The following POLE variants were observed in gnomAD, a reference collection of about 807,000 sequenced individuals.
POLE encodes DNA polymerase epsilon, catalytic subunit, also known as DNA polymerase epsilon catalytic subunit A.
POLE carries 188 observed loss-of-function variants against 279.2 expected under a neutral mutation model. The observed-to-expected ratio is 0.67, with a 90% CI of 0.60 to 0.76. The LOEUF is 0.76. POLE is among the 30% of genes least tolerant of loss of function. The pLI is 0.00. For synonymous variants in POLE, 1,214 were observed against 1,172.5 expected, an observed-to-expected ratio of 1.04 and a Z score of -0.72; for missense variants, 2,703 against 3,016.7, an observed-to-expected ratio of 0.90 and a Z score of 2.44.
In POLE at chr12:132,639,567, C is replaced by T. The variant is rs1014383604; in HGVS notation, c.5379-269G>A. Among the ~76,000 whole-genome samples, 2 of 151,426 alleles carry T rather than the reference C, an allele frequency of 1.3e-5. No individual in the cohort carries two copies. The highest frequency in any genetic ancestry group is 2.9e-5 in the Non-Finnish European group (2 of 67,936). On this transcript the variant is annotated intron_variant, in intron 39 of 48. Transcript: ENST00000320574. This position sits in a 1 kb window ranked among gnomAD's most constrained non-coding sequence, Gnocchi z 4.7. ...AAACTCTGTGTGTTCTAAAGCAGGA[C>T]GGGAGGGCAGCACAGTACAAAGCAG...
chr12:132,659,165 C>A, intron 26 of POLE, 130 bp downstream of exon 26: 3 of 920,698 alleles, frequency 3.3e-6, no homozygotes, highest in Non-Finnish European at 4.8e-6. Context: ...GAACCCCTTA[C>A]CTCTCCGTGA....
chr12:132,632,246 C>T, intron 45 of POLE, 69 bp downstream of exon 45: 1 of 1,284,866 alleles, frequency 7.8e-7, no homozygotes, highest in Non-Finnish European at 1.1e-6. Context: ...TCACCTTGCA[C>T]ACAGTAACAT....
rs1259506536 is a variant in POLE at position 132,677,624 on chromosome 12, T to C, written c.674A>G (p.Asp225Gly). The C allele has an allele frequency of 1.2e-6, 2 of 1,614,048 alleles. No homozygotes were observed. Among genetic ancestry groups the C allele is most frequent in the African/African-American group, 2.7e-5 (2 of 74,912 alleles). The part of the protein sequence containing the change: ...LDNIVDMREY[D>G]VPYHIRLSID... ...GGAGAGGCGGATGTGGTAGGGAACA[T>C]CGTACTCGCGCATGTCCACAATGTT... Residue 225 changes from aspartate to glycine, a missense_variant, in exon 7 of 49, where the codon GAT becomes GGT. Around this residue, in one of 5 missense-constraint regions of POLE, gnomAD observed 1,011 missense variants for 1,111.7 expected, o/e 0.91. Transcript: ENST00000320574.
At chr12:132,644,447 C>G (rs1269100831) in intron 32 of POLE, among the ~76,000 whole-genome samples, 2 of 148,040 alleles carry the variant, frequency 1.4e-5, no homozygotes, top group Non-Finnish European at 3.0e-5. Flanking sequence ...GCCACTATGC[C>G]TGGCCTCTGG....
rs116624118 is a variant in POLE at position 132,666,352 on chromosome 12, C to T, written c.2320-902G>A. The stretch of plus-strand genomic sequence containing the variant: ...CCTGTAATCCCAGCCCTGTGGGAGG[C>T]TGGGGTGGATAGATGACCTGAGTTC... On this transcript the variant is annotated intron_variant, in intron 20 of 48. Transcript: ENST00000320574. Among the ~76,000 whole-genome samples the T allele has an allele frequency of 3.8e-3, 579 of 152,362 alleles. 2 individuals carry two copies. Among genetic ancestry groups the T allele is most frequent in the African/African-American group, 0.013 (554 of 41,586 alleles).
intron 41 of POLE, among the ~76,000 whole-genome samples, chr12:132,636,418 T>A (rs1473742255): frequency 1.8e-5 from 2 of 112,488 alleles, no homozygotes; most frequent in East Asian, 6.3e-4. Context: ...GACCCAATCC[T>A]CTGCACATTA....
At chr12:132,665,259 T>C (rs1473764511) in intron 21 of POLE, 43 bp downstream of exon 21, 3 of 1,596,190 alleles carry the variant, frequency 1.9e-6, no homozygotes, top group Non-Finnish European at 2.6e-6. Context: ...CGTGGACTCA[T>C]CCATTCCTCC....
rs906566766 is a variant in POLE, at chr12:132,666,822, T to C, written c.2319+681A>G. ...TAGTTGCACAACAGTGCGAATATGCTTCATGCCCCTGAACTGAGCACTTAA... is the reference window on the plus strand; with the variant it reads ...TAGTTGCACAACAGTGCGAATATGCCTCATGCCCCTGAACTGAGCACTTAA... On this transcript the variant is annotated intron_variant, in intron 20 of 48. Transcript: ENST00000320574. Among the ~76,000 whole-genome samples the C allele has an allele frequency of 5.3e-5, 8 of 152,192 alleles. No homozygotes were observed. The South Asian group carries it at 1.0e-3, about 20-fold the overall frequency.
rs1432965677 is a variant in POLE at position 132,643,005 on chromosome 12, A to G, written c.4552-9T>C. 2 of 1,582,262 alleles carry G rather than the reference A, an allele frequency of 1.3e-6. No homozygotes were observed. The highest frequency in any genetic ancestry group is 2.2e-5 in the East Asian group (1 of 44,544). ...ATCTGGTTGCTGCGCACCTAGACCA[A>G]CGCAGGCCACGTCAGCCTCCCCCTG... On this transcript the variant is annotated splice_polypyrimidine_tract_variant and intron_variant, in intron 35 of 48. Coordinates refer to ENST00000320574, the MANE Select transcript of POLE (RefSeq NM_006231.4).
intron 35 of POLE, 39 bp from the exon 36 acceptor site, chr12:132,643,035 G>C (rs765602942): frequency 6.4e-7 from 1 of 1,551,896 alleles, no homozygotes. Context: ...CCCCTGCGCA[G>C]GAGGAAGTGG....
At chr12:132,631,317 G>A (rs796619930) in intron 45 of POLE, among the ~76,000 whole-genome samples, 2 of 152,152 alleles carry the variant, frequency 1.3e-5, no homozygotes, top group African/African-American at 2.4e-5. Context: ...GAATGTTTTC[G>A]GGCGGTGACT....
At chr12:132,665,252 G>A (rs1439925293) in intron 21 of POLE, 50 bp downstream of exon 21, 1 of 1,580,756 alleles carries the variant, frequency 6.3e-7, no homozygotes, top group Admixed American at 1.7e-5. Flanking sequence ...CCCTAAACGT[G>A]GACTCATCCA....
At position 132,634,276 on chromosome 12, in the gene POLE, C is replaced by G. The variant is rs774726229; in HGVS notation, c.5914G>C (p.Val1972Leu). 1 of 1,614,236 alleles carries G rather than the reference C, an allele frequency of 6.2e-7. No individual in the cohort carries two copies. Among genetic ancestry groups the G allele is most frequent in the East Asian group, 2.2e-5 (1 of 44,886 alleles). ...CAGTTGTTTTCCAGTAAATCCTCCA[C>G]GTTGGATTCCTCCGCCTCTTCCTCC... ...EEEEEAEESN[V>L]EDLLENNWNI... The change falls in exon 43 of 49, where the codon GTG becomes CTG. Residue 1972 changes from valine (V) to leucine (L), a missense_variant. Coordinates refer to ENST00000320574, the MANE Select transcript of POLE (RefSeq NM_006231.4). The surrounding 1 kb of genome is among the most constrained non-coding windows in gnomAD (Gnocchi z 4.0).
chr12:132,679,718 C>T, intron 5 of POLE, 67 bp from the exon 6 acceptor site: 1 of 1,536,882 alleles, frequency 6.5e-7, no homozygotes, highest in African/African-American at 1.4e-5. Flanking sequence ...AGAGGGTAAA[C>T]ACTCAAAGGT....
At chr12:132,683,242 T>G (rs191590534) in intron 1 of POLE, among the ~76,000 whole-genome samples, 1 of 152,100 alleles carries the variant, frequency 6.6e-6, no homozygotes, top group East Asian at 1.9e-4. Context: ...TCTGCTTAGC[T>G]GGGTGGGCGC....
At position 132,649,791 on chromosome 12, in the gene POLE, G is replaced by T; in HGVS notation, c.3681C>A (p.Val1227=). ...LVKLPHPAAP[V]TVKRKRVLWE... The stretch of plus-strand genomic sequence containing the variant: ...AAAGAACTCGCTTCCTCTTCACAGT[G>T]ACAGGGGCTGCTGGGTGAGGCAGCT... Residue 1227 remains valine (V), a synonymous_variant, in exon 30 of 49, where the codon GTC becomes GTA. Coordinates refer to ENST00000320574, the MANE Select transcript of POLE (RefSeq NM_006231.4). The T allele has an allele frequency of 6.2e-7, 1 of 1,614,192 alleles. No individual in the cohort carries two copies. Among genetic ancestry groups the T allele is most frequent in the East Asian group, 2.2e-5 (1 of 44,878 alleles).
Position 132,638,024 on chromosome 12 carries a change from T to C in POLE, c.5668A>G (p.Ile1890Val), listed in dbSNP as rs745804149. 9.3e-6 allele frequency: 15 copies of C among 1,613,954 alleles called. No individual in the cohort carries two copies. The highest frequency in any genetic ancestry group is 1.3e-5 in the Non-Finnish European group (15 of 1,179,906). Reference sequence around the variant, plus strand: ...ACCAGCCAGCCGCACCTGCTGGTGATGTACTCCACGTAAGCGATGGCATCT... The same window carrying C: ...ACCAGCCAGCCGCACCTGCTGGTGACGTACTCCACGTAAGCGATGGCATCT... Reference protein sequence around the residue: ...VEDAIAYVEYITSSIHSKETF... With the variant: ...VEDAIAYVEYVTSSIHSKETF... The change falls in exon 41 of 49, where the codon ATC (isoleucine) becomes GTC (valine). Residue 1890 changes from isoleucine to valine, a missense_variant. Physicochemically the swap from Ile to Val is conservative, Grantham distance 29. Coordinates refer to ENST00000320574, the MANE Select transcript of POLE (RefSeq NM_006231.4).
At chr12:132,665,472 A>C (rs760557495) in intron 20 of POLE, 22 bp from the exon 21 acceptor site, 3 of 1,592,334 alleles carry the variant, frequency 1.9e-6, no homozygotes, top group Non-Finnish European at 2.6e-6. Context: ...ATGAACATGG[A>C]GCACCTCACA....
At chr12:132,652,931 A>G (rs1472930461) in intron 29 of POLE, among the ~76,000 whole-genome samples, 1 of 152,210 alleles carries the variant, frequency 6.6e-6, no homozygotes, top group Admixed American at 6.5e-5. Flanking sequence ...GTCAAGTTCT[A>G]TCCAAAAAGC....
Sources: gnomAD v4.1 joint callset for allele counts (sites outside exome capture counted in the v4.1 genomes callset) on GRCh38, gnomAD v4.1.1 for gene constraint, gnomAD v4.1.1 regional missense constraint, Gnocchi (gnomAD v3.1) non-coding constraint, MANE v1.5 for transcripts, NCBI Gene and HGNC (gene_info 2026-07-23, HGNC 2026-07-21) for gene names.